Variants in SPATA6 observed in about 807,000 individuals in gnomAD.
The protein encoded by SPATA6 is spermatogenesis-associated protein 6.
In SPATA6, 56 loss-of-function variants were observed where a neutral mutation model predicts 65.3. The ratio of observed to expected loss-of-function variants is 0.86; its 90% confidence interval spans 0.69 to 1.07. SPATA6 has a LOEUF of 1.07. SPATA6 is among the 50% of genes least tolerant of loss of function. SPATA6 has a pLI of 0.00. For synonymous variants in SPATA6, 199 were observed against 213.2 expected, an observed-to-expected ratio of 0.93 and a Z score of 0.58; for missense variants, 590 against 594.8, an observed-to-expected ratio of 0.99 and a Z score of 0.08.
intron 3 of SPATA6, among the ~76,000 whole-genome samples, chr1:48,413,456 CTTT>C (rs35376845): frequency 5.4e-5 from 6 of 110,864 alleles, no homozygotes; most frequent in Admixed American, 9.8e-5. Context: ...CGCCCGGATA[CTTT>C]TTTTTTTTTT....
intron 1 of SPATA6, among the ~76,000 whole-genome samples, chr1:48,455,980 T>C (rs1445107148): frequency 6.6e-6 from 1 of 152,220 alleles, no homozygotes; most frequent in Admixed American, 6.5e-5. Flanking sequence ...GGTGGTTGAC[T>C]TAAATCACCT....
Position 48,366,903 on chromosome 1 carries a change from C to G in SPATA6, c.910-7133G>C, listed in dbSNP as rs903770458. On this transcript the variant is annotated intron_variant, in intron 9 of 12. Coordinates refer to ENST00000371847, the MANE Select transcript of SPATA6 (RefSeq NM_019073.4). ...TTGTGATGTTAGGGTGTCAATTTTG[C>G]ATCTTTCCTGCTTTGTCTTGTGGGC... Among the ~76,000 whole-genome samples, 57 of 152,142 alleles carry G rather than the reference C, an allele frequency of 3.7e-4. 1 individual carries two copies. The highest frequency in any genetic ancestry group is 2.1e-3 in the South Asian group (10 of 4,816).
At chr1:48,463,778 A>C (rs1233930276) in intron 1 of SPATA6, among the ~76,000 whole-genome samples, 3 of 152,148 alleles carry the variant, frequency 2.0e-5, no homozygotes, top group Non-Finnish European at 4.4e-5. Flanking sequence ...TTTAAAAATA[A>C]GTGAAAAAAA....
At chr1:48,456,528 T>C (rs1657016205) in intron 1 of SPATA6, among the ~76,000 whole-genome samples, 1 of 151,406 alleles carries the variant, frequency 6.6e-6, no homozygotes, top group Non-Finnish European at 1.5e-5. Flanking sequence ...CAATAAAAAC[T>C]GTCCCTGAGG....
downstream of SPATA6, among the ~76,000 whole-genome samples, chr1:48,293,192 A>G (rs1166171518): frequency 6.6e-6 from 1 of 152,132 alleles, no homozygotes; most frequent in Admixed American, 6.5e-5. Context: ...GATAAAACCA[A>G]TGTGGATCTT....
In SPATA6 at chr1:48,383,329, G is replaced by A. The variant is rs1207191038; in HGVS notation, c.909+1980C>T. On this transcript the variant is annotated intron_variant, in intron 9 of 12. Transcript: ENST00000371847. ...GGGCTGACCCCCCCACCTCCCTCCCGGACGGGGCGGCTGGCCGACCGCCCC... is the reference window on the plus strand; with the variant it reads ...GGGCTGACCCCCCCACCTCCCTCCCAGACGGGGCGGCTGGCCGACCGCCCC... Among the ~76,000 whole-genome samples the A allele has an allele frequency of 6.8e-5, 4 of 58,690 alleles. 1 individual carries two copies. The highest frequency in any genetic ancestry group is 2.0e-4 in the African/African-American group (4 of 20,204). The allele number at this position is 58,690 out of a possible 152,430, so 38.5% of individuals were successfully genotyped here.
At chr1:48,359,868 TGTGC>T in intron 9 of SPATA6, 98 bp from the exon 10 acceptor site, 16 of 897,192 alleles carry the variant, frequency 1.8e-5, no homozygotes, top group Non-Finnish European at 2.4e-5. Context: ...GTCATATGCA[TGTGC>T]ACACACACAC....
chr1:48,323,384 C>G (rs551092427), intron 11 of SPATA6, among the ~76,000 whole-genome samples: 2 of 142,912 alleles, frequency 1.4e-5, no homozygotes, highest in Admixed American at 1.5e-4. Flanking sequence ...CACATGGACA[C>G]AGGGAGGGGA....
the SPATA6 span, among the ~76,000 whole-genome samples, chr1:48,271,170 G>T: frequency 6.6e-6 from 1 of 152,112 alleles, no homozygotes; most frequent in Non-Finnish European, 1.5e-5. Context: ...GCAGGCAATT[G>T]CTACCTCGAT....
intron 12 of SPATA6, 76 bp from the exon 13 acceptor site, chr1:48,298,969 T>A (rs1021652788): frequency 1.7e-5 from 24 of 1,399,188 alleles, no homozygotes; most frequent in Non-Finnish European, 2.2e-5. Context: ...ATCAAATATT[T>A]ATTGAGTACT....
In SPATA6 at chr1:48,445,659, C is replaced by CAAAAA. The variant is rs10632587; in HGVS notation, c.238+5888_238+5892dup. ...TGGGAGAGAGAGTGAGACTCTGTCTCAAAAAAAAAAAAAAAAAAAAAAAAA... is the reference window on the plus strand; with the variant it reads ...TGGGAGAGAGAGTGAGACTCTGTCTCAAAAAAAAAAAAAAAAAAAAAAAAAAAAAA... On this transcript the variant is annotated intron_variant, in intron 3 of 12. Transcript: ENST00000371847. 5.5e-4 allele frequency among the ~76,000 whole-genome samples: 28 copies of CAAAAA among 51,274 alleles called. 6 individuals are homozygous for CAAAAA. The highest frequency in any genetic ancestry group is 2.1e-3 in the African/African-American group (17 of 8,258). 33.6% of individuals were successfully genotyped at this position (51,274 alleles called of 152,430 possible).
the SPATA6 span, among the ~76,000 whole-genome samples, chr1:48,286,975 G>A: frequency 6.7e-6 from 1 of 148,936 alleles, no homozygotes; most frequent in Non-Finnish European, 1.5e-5. Context: ...GGAGGCAGAA[G>A]TTGCAGTGAG....
chr1:48,436,584 G>A (rs1654957893), intron 3 of SPATA6: 8 of 1,613,104 alleles, frequency 5.0e-6, no homozygotes, highest in Non-Finnish European at 6.8e-6. Flanking sequence ...TGTCCCATCT[G>A]CATAGTTTGG....
chr1:48,310,194 T>A (rs1261825177), intron 11 of SPATA6, among the ~76,000 whole-genome samples: 2 of 152,216 alleles, frequency 1.3e-5, no homozygotes, highest in African/African-American at 4.8e-5. Context: ...ATTATTTCTT[T>A]TAAAAATGCC....
chr1:48,368,771 G>C (rs1028022580), intron 9 of SPATA6, among the ~76,000 whole-genome samples: 1 of 151,946 alleles, frequency 6.6e-6, no homozygotes, highest in East Asian at 1.9e-4. Context: ...TAGTTTGATC[G>C]TCCGAAGACT....
intron 12 of SPATA6, among the ~76,000 whole-genome samples, chr1:48,305,099 T>C (rs1645029047): frequency 6.6e-6 from 1 of 152,168 alleles, no homozygotes; most frequent in South Asian, 2.1e-4. Flanking sequence ...TCCTCACATG[T>C]TCATAGATGG....
chr1:48,422,805 T>TAA (rs1050384812), intron 3 of SPATA6, among the ~76,000 whole-genome samples: 9 of 152,134 alleles, frequency 5.9e-5, no homozygotes, highest in African/African-American at 2.2e-4. Flanking sequence ...CAATGTCAAC[T>TAA]AAAAACAGGC....
At chr1:48,289,726 G>C in the SPATA6 span, among the ~76,000 whole-genome samples, 2 of 152,190 alleles carry the variant, frequency 1.3e-5, no homozygotes, top group African/African-American at 4.8e-5. Flanking sequence ...TAGCCGATTC[G>C]ATCAACTGGA....
intron 1 of SPATA6, among the ~76,000 whole-genome samples, chr1:48,456,561 A>C (rs1401591451): frequency 6.6e-6 from 1 of 152,208 alleles, no homozygotes; most frequent in Admixed American, 6.5e-5. Context: ...TGGGCTTACT[A>C]AACAAAGATC....
Sources: gnomAD v4.1 joint callset for allele counts (sites outside exome capture counted in the v4.1 genomes callset) on GRCh38, gnomAD v4.1.1 for gene constraint, MANE v1.5 for transcripts, NCBI Gene and HGNC (gene_info 2026-07-23, HGNC 2026-07-21) for gene names.